GRID2: variants seen among roughly 807,000 people sequenced by gnomAD.
GRID2 encodes glutamate ionotropic receptor delta type subunit 2, also known as glutamate receptor ionotropic, delta-2.
A neutral mutation model predicts 114.8 loss-of-function variants in GRID2; 33 were observed. The ratio of observed to expected loss-of-function variants is 0.29; its 90% CI spans 0.22 to 0.38. The LOEUF (loss-of-function observed/expected upper bound fraction) is 0.38. GRID2 is among the 10% of genes least tolerant of loss of function. The pLI, the probability that GRID2 is intolerant of heterozygous loss-of-function variation, is 1.00. For missense variants in GRID2, 1,184 were observed against 1,257.7 expected, an observed-to-expected ratio of 0.94 and a Z score of 0.89; for synonymous variants, 505 against 449.9, an observed-to-expected ratio of 1.12 and a Z score of -1.55.
intron 15 of GRID2, among the ~76,000 whole-genome samples, chr4:93,770,358 A>G (rs1008423546): frequency 1.3e-5 from 2 of 152,262 alleles, no homozygotes; most frequent in African/African-American, 4.8e-5. Flanking sequence ...TTGGCTGACT[A>G]ACTGATGCCT....
chr4:92,944,005 C>T (rs958887281), intron 2 of GRID2, among the ~76,000 whole-genome samples: 1 of 152,154 alleles, frequency 6.6e-6, no homozygotes, highest in African/African-American at 2.4e-5. Flanking sequence ...CTGGGGGGTG[C>T]CTCCCAGTTA....
intron 1 of GRID2, among the ~76,000 whole-genome samples, chr4:92,578,041 T>TTTCTTC (rs201059955): frequency 0.026 from 3,263 of 125,566 alleles, 69 homozygotes; most frequent in African/African-American, 0.036. Flanking sequence ...TGAAACTTAG[T>TTTCTTC]TTCTTCTTCT....
At chr4:93,692,024 T>C (rs1219607579) in intron 14 of GRID2, among the ~76,000 whole-genome samples, 1 of 152,016 alleles carries the variant, frequency 6.6e-6, no homozygotes, top group Non-Finnish European at 1.5e-5. Flanking sequence ...GTTCTAGGAA[T>C]CATGGAAATC....
rs149625176 is a variant in GRID2 at position 92,445,028 on chromosome 4, C to A, written c.88+140284C>A. 3.9e-5 allele frequency among the ~76,000 whole-genome samples: 6 copies of A among 152,118 alleles called. No individual in the cohort carries two copies. The East Asian group carries it at 1.2e-3, about 29-fold the overall frequency. ...GGTATTAGGCAACTGTAGCAGACATCATGTATCTGGACTTTAGCGAGTCAT... is the reference window on the plus strand; with the variant it reads ...GGTATTAGGCAACTGTAGCAGACATAATGTATCTGGACTTTAGCGAGTCAT... On this transcript the variant is annotated intron_variant, in intron 1 of 15. Transcript: ENST00000282020.
At chr4:92,690,537 T>A (rs1734135494) in intron 2 of GRID2, among the ~76,000 whole-genome samples, 2 of 152,192 alleles carry the variant, frequency 1.3e-5, no homozygotes, top group Non-Finnish European at 2.9e-5. Context: ...GACACAGTCA[T>A]GAAGTGATCA....
At chr4:92,918,183 AT>A (rs917142942) in intron 2 of GRID2, among the ~76,000 whole-genome samples, 82 of 152,094 alleles carry the variant, frequency 5.4e-4, no homozygotes, top group African/African-American at 2.0e-3. Flanking sequence ...AATGATTGTT[AT>A]TTTTGCACAT....
At chr4:93,183,731 T>C (rs751776330) in intron 4 of GRID2, among the ~76,000 whole-genome samples, 3 of 152,206 alleles carry the variant, frequency 2.0e-5, no homozygotes, top group African/African-American at 7.2e-5. Context: ...AGGCACTGAA[T>C]AGAGCAGGAG....
intron 1 of GRID2, among the ~76,000 whole-genome samples, chr4:92,470,984 T>C (rs1452787776): frequency 6.8e-6 from 1 of 146,570 alleles, no homozygotes; most frequent in Admixed American, 6.7e-5. Flanking sequence ...GGTACAACTT[T>C]AAGTAGGTTG....
chr4:93,369,912 C>T (rs1183909171), intron 8 of GRID2, among the ~76,000 whole-genome samples: 1 of 152,166 alleles, frequency 6.6e-6, no homozygotes, highest in East Asian at 1.9e-4. Flanking sequence ...TAGGAAAAGA[C>T]AGTTTTGAAA....
intron 2 of GRID2, among the ~76,000 whole-genome samples, chr4:93,003,616 G>A (rs1721221041): frequency 6.6e-6 from 1 of 151,888 alleles, no homozygotes; most frequent in Non-Finnish European, 1.5e-5. Flanking sequence ...CCTAGTTTAT[G>A]GAAAAATTAG....
intron 10 of GRID2, among the ~76,000 whole-genome samples, chr4:93,444,791 A>G (rs546676611): frequency 2.0e-5 from 3 of 152,200 alleles, no homozygotes; most frequent in African/African-American, 7.2e-5. Flanking sequence ...CTCTAAGATT[A>G]CATTACATTA....
intron 2 of GRID2, among the ~76,000 whole-genome samples, chr4:92,683,156 G>A (rs1296031609): frequency 6.6e-6 from 1 of 152,010 alleles, no homozygotes; most frequent in Non-Finnish European, 1.5e-5. Context: ...AAACTTAGCT[G>A]GGCGTGGTGG....
At chr4:93,730,815 G>A (rs1730415637) in intron 14 of GRID2, among the ~76,000 whole-genome samples, 1 of 152,358 alleles carries the variant, frequency 6.6e-6, no homozygotes. Context: ...CCTGAAGGTG[G>A]CCCCTGCCAA....
chr4:93,656,454 C>CT (rs1722998816), intron 14 of GRID2, among the ~76,000 whole-genome samples: 1 of 151,842 alleles, frequency 6.6e-6, no homozygotes, highest in Non-Finnish European at 1.5e-5. Flanking sequence ...TTATTGTCAG[C>CT]TTAGATCTAC....
At chr4:93,802,765 C>G (rs1734956425) in intron 1 of GRID2, among the ~76,000 whole-genome samples, 1 of 152,090 alleles carries the variant, frequency 6.6e-6, no homozygotes, top group South Asian at 2.1e-4. Flanking sequence ...GATAAATTCT[C>G]TATGATAAAT....
At chr4:92,931,263 T>TA (rs1015194844) in intron 2 of GRID2, among the ~76,000 whole-genome samples, 2 of 150,478 alleles carry the variant, frequency 1.3e-5, no homozygotes, top group Non-Finnish European at 1.5e-5. Context: ...TAATAGGCAT[T>TA]AAAAAAAAGC....
At chr4:92,413,265 A>C (rs933742526) in intron 1 of GRID2, among the ~76,000 whole-genome samples, 1 of 152,110 alleles carries the variant, frequency 6.6e-6, no homozygotes, top group Non-Finnish European at 1.5e-5. Context: ...AGCATTTCCT[A>C]TATTTTCATT....
At chr4:92,832,291 ATAAAAAAT>A (rs1268698817) in intron 2 of GRID2, among the ~76,000 whole-genome samples, 1 of 152,102 alleles carries the variant, frequency 6.6e-6, no homozygotes, top group Non-Finnish European at 1.5e-5. Flanking sequence ...AATTAAAAAA[ATAAAAAAT>A]AAAATTAGCC....
At chr4:93,729,911 A>G (rs1730326048) in intron 14 of GRID2, among the ~76,000 whole-genome samples, 1 of 152,184 alleles carries the variant, frequency 6.6e-6, no homozygotes, top group African/African-American at 2.4e-5. Flanking sequence ...GAAATTGTGG[A>G]CATGCAATTT....
Sources: gnomAD v4.1 joint callset for allele counts (sites outside exome capture counted in the v4.1 genomes callset) on GRCh38, gnomAD v4.1.1 for gene constraint, MANE v1.5 for transcripts, NCBI Gene and HGNC (gene_info 2026-07-23, HGNC 2026-07-21) for gene names.